ST8SIA6: variants seen among roughly 807,000 people sequenced by gnomAD.
ST8SIA6 encodes the protein ST8 alpha-N-acetyl-neuraminide alpha-2,8-sialyltransferase 6.
In ST8SIA6, 39 loss-of-function variants were observed where a neutral mutation model predicts 33.6. That is an observed-to-expected ratio of 1.16 (90% CI 0.90 to 1.52). The LOEUF (loss-of-function observed/expected upper bound fraction) is 1.52, where lower values mean the gene tolerates loss of function less well. Among genes scored for constraint, ST8SIA6 ranks in the 40% most tolerant of loss-of-function variants. The pLI, the probability that ST8SIA6 is intolerant of heterozygous loss-of-function variation, is 0.00. For missense variants in ST8SIA6, 441 were observed against 443.8 expected (o/e 0.99, Z 0.06); for synonymous variants, 172 against 167.2 (o/e 1.03, Z -0.22).
chr10:17,341,855 C>T (rs755382812), intron 4 of ST8SIA6, among the ~76,000 whole-genome samples: 21 of 133,158 alleles, frequency 1.6e-4, no homozygotes, highest in Admixed American at 1.8e-4. Context: ...AACTGGAGAC[C>T]GCACTACTGC....
At chr10:17,433,199 AT>A (rs1213043576) in intron 2 of ST8SIA6, among the ~76,000 whole-genome samples, 2 of 152,192 alleles carry the variant, frequency 1.3e-5, no homozygotes, top group African/African-American at 4.8e-5. Context: ...GGGAAAAAAA[AT>A]AACCTGTACC....
chr10:17,360,894 TGAC>T (rs1392837152), intron 3 of ST8SIA6, among the ~76,000 whole-genome samples: 7 of 99,558 alleles, frequency 7.0e-5, no homozygotes, highest in South Asian at 3.1e-4. Context: ...AGAAAGAAGA[TGAC>T]GAAGAAGAAG....
At chr10:17,396,994 C>T (rs1046299104) in intron 2 of ST8SIA6, among the ~76,000 whole-genome samples, 35 of 152,024 alleles carry the variant, frequency 2.3e-4, no homozygotes, top group African/African-American at 8.2e-4. Flanking sequence ...AGGGTCCTTT[C>T]GCAGTTTCTT....
intron 4 of ST8SIA6, among the ~76,000 whole-genome samples, chr10:17,358,953 T>A (rs1849295524): frequency 6.6e-6 from 1 of 152,128 alleles, no homozygotes; most frequent in South Asian, 2.1e-4. Context: ...TTTAACAAAA[T>A]TTATTCCTGT....
chr10:17,447,934 G>A (rs1852778867), intron 2 of ST8SIA6, among the ~76,000 whole-genome samples: 1 of 152,006 alleles, frequency 6.6e-6, no homozygotes, highest in Non-Finnish European at 1.5e-5. Context: ...TGAGTAGCTG[G>A]CATTACAGAC....
intron 2 of ST8SIA6, among the ~76,000 whole-genome samples, chr10:17,421,079 A>G (rs1028419157): frequency 6.6e-6 from 1 of 152,172 alleles, no homozygotes; most frequent in Non-Finnish European, 1.5e-5. Flanking sequence ...CCCCTGATAC[A>G]TGGGGATGAC....
intron 2 of ST8SIA6, chr10:17,413,376 A>G (rs1443446838): frequency 1.3e-5 from 2 of 151,864 alleles, no homozygotes. Context: ...TTTGGAATTT[A>G]CGAGTCTTAT....
At chr10:17,364,908 T>A (rs1041122430) in intron 3 of ST8SIA6, among the ~76,000 whole-genome samples, 3 of 152,224 alleles carry the variant, frequency 2.0e-5, no homozygotes, top group Admixed American at 6.5e-5. Flanking sequence ...TTTCTGTTTT[T>A]CTGGATGACA....
intron 2 of ST8SIA6, among the ~76,000 whole-genome samples, chr10:17,395,176 A>G (rs866977467): frequency 1.5e-4 from 23 of 152,124 alleles, no homozygotes; most frequent in Non-Finnish European, 2.6e-4. Flanking sequence ...TCTCTTGTCT[A>G]CCACCAAGTA....
intron 4 of ST8SIA6, among the ~76,000 whole-genome samples, chr10:17,336,707 C>T (rs1009479073): frequency 1.3e-5 from 2 of 151,616 alleles, no homozygotes; most frequent in Admixed American, 6.6e-5. Flanking sequence ...GATTCTCCTG[C>T]CTCAGCCTCC....
chr10:17,443,843 C>G (rs79402265), intron 2 of ST8SIA6, among the ~76,000 whole-genome samples: 9,708 of 152,232 alleles, frequency 0.064, 381 homozygotes, highest in African/African-American at 0.095. Context: ...GTTTACCAAA[C>G]CATCCGTGGC....
Position 17,318,915 on chromosome 10 carries a change from A to G in ST8SIA6, c.*1963T>C, listed in dbSNP as rs1294737906. On this transcript the variant is annotated 3_prime_UTR_variant, in exon 8 of 8. Transcript: ENST00000377602. ...CATTATTGGCACCTCACAGCAGGATATATGGAAGGTGGGATATATGCCCTA... is the reference window on the plus strand; with the variant it reads ...CATTATTGGCACCTCACAGCAGGATGTATGGAAGGTGGGATATATGCCCTA... 6.6e-6 allele frequency among the ~76,000 whole-genome samples: 1 copy of G among 152,194 alleles called. No homozygotes were observed. Among genetic ancestry groups the G allele is most frequent in the Non-Finnish European group, 1.5e-5 (1 of 68,040 alleles).
intron 3 of ST8SIA6, among the ~76,000 whole-genome samples, chr10:17,369,435 T>C (rs374645579): frequency 2.6e-5 from 4 of 152,344 alleles, no homozygotes; most frequent in African/African-American, 9.6e-5. Flanking sequence ...TCAGATATTA[T>C]GCTTTGTATT....
At chr10:17,388,137 GGTCA>G (rs1850449685) in intron 3 of ST8SIA6, among the ~76,000 whole-genome samples, 2 of 152,210 alleles carry the variant, frequency 1.3e-5, no homozygotes, top group Admixed American at 1.3e-4. Context: ...TTCTAGGTGA[GGTCA>G]GTGGGCTTCC....
intron 3 of ST8SIA6, among the ~76,000 whole-genome samples, chr10:17,380,785 G>GTGAA (rs201251319): frequency 0.19 from 21,388 of 114,350 alleles, 2,626 homozygotes; most frequent in East Asian, 0.49. Context: ...TCATGTTTGT[G>GTGAA]TGTATGTGTA....
At chr10:17,375,226 C>T (rs1849873828) in intron 3 of ST8SIA6, among the ~76,000 whole-genome samples, 2 of 152,132 alleles carry the variant, frequency 1.3e-5, no homozygotes, top group Admixed American at 1.3e-4. Context: ...AGAATGGAAA[C>T]AAGTCATACA....
intron 2 of ST8SIA6, among the ~76,000 whole-genome samples, chr10:17,425,219 G>A (rs112259156): frequency 0.033 from 4,973 of 152,126 alleles, 85 homozygotes; most frequent in South Asian, 0.055. Flanking sequence ...CAGGATACAT[G>A]TATACCTATA....
chr10:17,440,580 A>T, intron 2 of ST8SIA6, among the ~76,000 whole-genome samples: 1 of 152,152 alleles, frequency 6.6e-6, no homozygotes, highest in East Asian at 1.9e-4. Flanking sequence ...TACATTCATA[A>T]GGAGTAGACA....
intron 2 of ST8SIA6, among the ~76,000 whole-genome samples, chr10:17,395,506 T>TCA (rs1206404007): frequency 2.0e-5 from 3 of 152,104 alleles, no homozygotes; most frequent in African/African-American, 7.2e-5. Flanking sequence ...TCTTACAGGC[T>TCA]CAAAGTATGA....
Sources: allele counts gnomAD v4.1 joint callset (sites outside exome capture counted in the v4.1 genomes callset), GRCh38; gene constraint gnomAD v4.1.1; transcripts MANE v1.5; gene names NCBI Gene and HGNC (gene_info 2026-07-23, HGNC 2026-07-21).